Variants in AUTS2 observed in about 807,000 individuals in gnomAD.
The protein encoded by AUTS2 is autism susceptibility gene 2 protein.
A neutral mutation model predicts 112.4 loss-of-function variants in AUTS2; 17 were observed. That is an observed-to-expected ratio of 0.15 (90% CI 0.10 to 0.23). AUTS2 has a LOEUF of 0.23. Among genes scored for constraint, AUTS2 ranks in the 10% least tolerant of loss-of-function variants. The probability of loss-of-function intolerance (pLI) is 1.00; values close to 1 mark genes in which losing one functional copy is unlikely to be tolerated. For missense variants in AUTS2, 1,510 were observed against 1,701.6 expected (o/e 0.89, Z 1.98); for synonymous variants, 751 against 702.7 (o/e 1.07, Z -1.09).
rs1453680523 is a variant in AUTS2, at chr7:70,791,227, TG to T, written c.*232del. The T allele has an allele frequency of 9.8e-6, 4 of 408,606 alleles. No individual in the cohort carries two copies. Among genetic ancestry groups the T allele is most frequent in the African/African-American group, 8.2e-5 (4 of 48,746 alleles). The allele number at this position is 408,606 out of a possible 1,614,324, so 25.3% of individuals were successfully genotyped here. On this transcript the variant is annotated 3_prime_UTR_variant, in exon 19 of 19. Transcript: ENST00000342771. ...ATATGTTCTCACGTCTCCTACTTTTTGTTTCTCGTATAAAACTTTTTGATTT... is the reference window on the plus strand; with the variant it reads ...ATATGTTCTCACGTCTCCTACTTTTTTTTCTCGTATAAAACTTTTTGATTT...
At chr7:70,592,640 G>T (rs1018876081) in intron 5 of AUTS2, among the ~76,000 whole-genome samples, 2 of 152,080 alleles carry the variant, frequency 1.3e-5, no homozygotes, top group Non-Finnish European at 2.9e-5. Context: ...TGGGATTACA[G>T]GCATGAGCTA....
At chr7:70,717,764 G>A (rs1009597310) in intron 6 of AUTS2, among the ~76,000 whole-genome samples, 10 of 152,150 alleles carry the variant, frequency 6.6e-5, no homozygotes, top group African/African-American at 2.4e-4. Flanking sequence ...AGCCTCAGGG[G>A]CGGTGCTGCC....
intron 5 of AUTS2, among the ~76,000 whole-genome samples, chr7:70,579,194 G>GTT (rs1438067975): frequency 7.6e-6 from 1 of 130,734 alleles, no homozygotes; most frequent in Non-Finnish European, 1.6e-5. Flanking sequence ...CTCCACAAGT[G>GTT]TTGAGGTTGC....
rs148336726 is a variant in AUTS2, at chr7:69,709,525, G to A, written c.309+109563G>A. ...CTGGCCATTCGCATAGTTTGGATAC[G>A]TTTTAACCCATAAGAGTGCTGTCCT... On this transcript the variant is annotated intron_variant, in intron 1 of 18. Coordinates refer to ENST00000342771, the MANE Select transcript of AUTS2 (RefSeq NM_015570.4). Among the ~76,000 whole-genome samples, 108 of 152,242 alleles carry A rather than the reference G, an allele frequency of 7.1e-4. No individual in the cohort carries two copies. In the East Asian group the frequency reaches 0.014, roughly 19 times the overall value.
At chr7:70,118,027 C>T (rs774953171) in intron 2 of AUTS2, 105 bp from the exon 3 acceptor site, 38 of 1,340,816 alleles carry the variant, frequency 2.8e-5, no homozygotes, top group South Asian at 4.0e-5. Flanking sequence ...GGATTACAGG[C>T]GTGAGCCACC....
intron 1 of AUTS2, among the ~76,000 whole-genome samples, chr7:69,623,495 G>A (rs1793784942): frequency 6.8e-6 from 1 of 147,708 alleles, no homozygotes; most frequent in Admixed American, 7.0e-5. Context: ...GCCTCTCACA[G>A]TGCTGGGATT....
chr7:69,701,512 C>T (rs1310268108), intron 1 of AUTS2, among the ~76,000 whole-genome samples: 1 of 152,156 alleles, frequency 6.6e-6, no homozygotes, highest in African/African-American at 2.4e-5. Flanking sequence ...TGGTTGTCGT[C>T]ATTGCCATCC....
rs189718663 is a variant in AUTS2, at chr7:70,062,052, C to T, written c.523-56080C>T. Reference sequence around the variant, plus strand: ...ATCCACCCACCTCGGCCTCCCAAAGCGCTGGGATTACAGGCGTGAGCCACT... The same window carrying T: ...ATCCACCCACCTCGGCCTCCCAAAGTGCTGGGATTACAGGCGTGAGCCACT... On this transcript the variant is annotated intron_variant, in intron 2 of 18. Coordinates refer to ENST00000342771, the MANE Select transcript of AUTS2 (RefSeq NM_015570.4). 8.8e-3 allele frequency among the ~76,000 whole-genome samples: 1,330 copies of T among 151,820 alleles called. 24 individuals are homozygous for T. Among genetic ancestry groups the T allele is most frequent in the African/African-American group, 0.03 (1,264 of 41,448 alleles).
chr7:69,682,623 C>T (rs1172757373), intron 1 of AUTS2, among the ~76,000 whole-genome samples: 1 of 152,228 alleles, frequency 6.6e-6, no homozygotes, highest in African/African-American at 2.4e-5. Flanking sequence ...GAAACCTAGA[C>T]AGTCTTTTCA....
At chr7:70,378,631 T>C (rs1793226871) in intron 4 of AUTS2, among the ~76,000 whole-genome samples, 1 of 152,236 alleles carries the variant, frequency 6.6e-6, no homozygotes, top group Non-Finnish European at 1.5e-5. Flanking sequence ...AGGGTTCTAC[T>C]TCAGAGACCA....
At chr7:70,277,156 T>A (rs190000189) in intron 4 of AUTS2, among the ~76,000 whole-genome samples, 1 of 152,150 alleles carries the variant, frequency 6.6e-6, no homozygotes, top group African/African-American at 2.4e-5. Context: ...CTAGGATGGA[T>A]CTGTCCAGTG....
At chr7:69,670,308 C>CTTGG (rs1796257335) in intron 1 of AUTS2, among the ~76,000 whole-genome samples, 1 of 152,102 alleles carries the variant, frequency 6.6e-6, no homozygotes, top group East Asian at 1.9e-4. Flanking sequence ...TTTTCTGATA[C>CTTGG]TTGGGCCTTT....
intron 6 of AUTS2, among the ~76,000 whole-genome samples, chr7:70,717,004 T>C (rs1810413753): frequency 3.1e-5 from 2 of 64,120 alleles, no homozygotes; most frequent in South Asian, 2.1e-3. Flanking sequence ...ATTTTTTTTT[T>C]TTTTTTTTTT....
At chr7:70,709,080 G>A (rs931309084) in intron 6 of AUTS2, among the ~76,000 whole-genome samples, 2 of 151,664 alleles carry the variant, frequency 1.3e-5, no homozygotes, top group South Asian at 2.1e-4. Flanking sequence ...ACCACGCCTC[G>A]CTAATTTTTT....
At chr7:69,614,314 C>CTT (rs1468098088) in intron 1 of AUTS2, among the ~76,000 whole-genome samples, 27 of 83,412 alleles carry the variant, frequency 3.2e-4, no homozygotes, top group East Asian at 4.3e-4. Flanking sequence ...CACTCTCCGT[C>CTT]TCTTTCTTTC....
intron 1 of AUTS2, among the ~76,000 whole-genome samples, chr7:69,703,443 G>A (rs183615315): frequency 2.0e-5 from 3 of 152,276 alleles, no homozygotes; most frequent in Non-Finnish European, 4.4e-5. Context: ...CCACCACTTT[G>A]TAAAAGAAAA....
chr7:69,611,936 CAAAAAAAA>C (rs896215968), intron 1 of AUTS2, among the ~76,000 whole-genome samples: 2 of 85,756 alleles, frequency 2.3e-5, no homozygotes, highest in African/African-American at 4.9e-5. Flanking sequence ...GACTCCGTCT[CAAAAAAAA>C]AAAAAAAAAA....
In AUTS2 at chr7:70,078,749, G is replaced by C. The variant is rs151068562; in HGVS notation, c.523-39383G>C. Among the ~76,000 whole-genome samples, 10 of 152,314 alleles carry C rather than the reference G, an allele frequency of 6.6e-5. No individual in the cohort carries two copies. In the East Asian group the frequency reaches 1.9e-3, roughly 29 times the overall value. Reference sequence around the variant, plus strand: ...GAGGGGAAGGAAGAAAGGAAATGGTGGAGAAAGTAGAGAATGAGAGAAGCA... The same window carrying C: ...GAGGGGAAGGAAGAAAGGAAATGGTCGAGAAAGTAGAGAATGAGAGAAGCA... On this transcript the variant is annotated intron_variant, in intron 2 of 18. Transcript: ENST00000342771.
intron 1 of AUTS2, among the ~76,000 whole-genome samples, chr7:69,865,344 G>C (rs139187236): frequency 1.0e-3 from 158 of 152,180 alleles, no homozygotes; most frequent in Non-Finnish European, 2.1e-3. Context: ...CCAGAGCTAT[G>C]TTCAGTGTGT....
Sources: gnomAD v4.1 joint callset for allele counts (sites outside exome capture counted in the v4.1 genomes callset) on GRCh38, gnomAD v4.1.1 for gene constraint, MANE v1.5 for transcripts, NCBI Gene and HGNC (gene_info 2026-07-23, HGNC 2026-07-21) for gene names.